The following PTPRO variants were observed in gnomAD, a reference collection of about 807,000 sequenced individuals.
The protein encoded by PTPRO is receptor-type tyrosine-protein phosphatase O.
PTPRO carries 62 observed loss-of-function variants against 145.2 expected under a neutral mutation model. The observed-to-expected ratio is 0.43, with a 90% confidence interval of 0.35 to 0.53. The LOEUF (loss-of-function observed/expected upper bound fraction) is 0.53, where lower values mean the gene tolerates loss of function less well. PTPRO is among the 20% of genes least tolerant of loss of function. The pLI is 0.01. For missense variants in PTPRO, 1,345 were observed against 1,482.7 expected (o/e 0.91, Z 1.53); for synonymous variants, 565 against 514.7 (o/e 1.10, Z -1.32).
At chr12:15,551,503 T>C in intron 14 of PTPRO, 48 bp from the exon 15 acceptor site, 1 of 1,606,038 alleles carries the variant, frequency 6.2e-7, no homozygotes, top group Non-Finnish European at 8.5e-7. Flanking sequence ...TTCTGTTTGG[T>C]TCCCTGTAAG....
chr12:15,543,123 A>T (rs1943212816), intron 12 of PTPRO, among the ~76,000 whole-genome samples: 1 of 152,250 alleles, frequency 6.6e-6, no homozygotes, highest in African/African-American at 2.4e-5. Context: ...ACCAATCACG[A>T]AGATCCTGAA....
At chr12:15,499,691 C>A (rs1330391564) in intron 4 of PTPRO, 97 bp downstream of exon 4, 2 of 1,373,710 alleles carry the variant, frequency 1.5e-6, no homozygotes, top group Non-Finnish European at 2.0e-6. Context: ...TGATCCAGAG[C>A]AAAGAAAGAA....
chr12:15,538,925 G>A (rs1333632097), intron 12 of PTPRO, among the ~76,000 whole-genome samples: 1 of 152,144 alleles, frequency 6.6e-6, no homozygotes, highest in African/African-American at 2.4e-5. Flanking sequence ...ATGAGTCTGG[G>A]CTAGATGATC....
chr12:15,485,438 A>G (rs533888000), intron 2 of PTPRO, among the ~76,000 whole-genome samples: 1 of 152,292 alleles, frequency 6.6e-6, no homozygotes, highest in South Asian at 2.1e-4. Flanking sequence ...TAACGCCTAC[A>G]ATACAAACTC....
chr12:15,382,535 G>A lies in PTPRO; in HGVS notation c.75+59734G>A, dbSNP rs375670800. On this transcript the variant is annotated intron_variant, in intron 1 of 26. Transcript: ENST00000281171. ...GAATTGTCCATCTCGACTTCTCAGA[G>A]CCCATGCTGGTCACACCGCAGTAAC... is the stretch of plus-strand genomic sequence containing the variant. Among the ~76,000 whole-genome samples the A allele has an allele frequency of 2.6e-5, 4 of 152,328 alleles. No homozygotes were observed. In the East Asian group the frequency reaches 7.7e-4, roughly 29 times the overall value.
At chr12:15,373,984 C>T (rs561544437) in intron 1 of PTPRO, among the ~76,000 whole-genome samples, 15 of 152,128 alleles carry the variant, frequency 9.9e-5, no homozygotes, top group African/African-American at 2.2e-4. Flanking sequence ...TTTCAAGACT[C>T]GGTCACCTCA....
chr12:15,460,675 G>C (rs1028491364), intron 1 of PTPRO, among the ~76,000 whole-genome samples: 2 of 152,096 alleles, frequency 1.3e-5, no homozygotes, highest in Admixed American at 6.5e-5. Flanking sequence ...AAGTTGATTT[G>C]GTAAGTTTTT....
chr12:15,513,457 A>G (rs1312156433), intron 7 of PTPRO, among the ~76,000 whole-genome samples: 1 of 152,226 alleles, frequency 6.6e-6, no homozygotes, highest in Non-Finnish European at 1.5e-5. Flanking sequence ...TTAATTCAAT[A>G]TAATCTTATT....
intron 1 of PTPRO, among the ~76,000 whole-genome samples, chr12:15,377,760 G>T (rs934038718): frequency 6.6e-6 from 1 of 151,926 alleles, no homozygotes; most frequent in East Asian, 1.9e-4. Context: ...ACAAGCCTCA[G>T]TAAACTTAAA....
intron 1 of PTPRO, among the ~76,000 whole-genome samples, chr12:15,441,029 A>G (rs1940751029): frequency 1.3e-5 from 2 of 152,204 alleles, no homozygotes; most frequent in Admixed American, 1.3e-4. Context: ...GAAGGTCTAG[A>G]AAACACTCAA....
At chr12:15,499,790 T>A (rs936857577) in intron 4 of PTPRO, among the ~76,000 whole-genome samples, 196 bp downstream of exon 4, 2 of 152,110 alleles carry the variant, frequency 1.3e-5, no homozygotes, top group Non-Finnish European at 2.9e-5. Context: ...CTAAAATATG[T>A]CAATGTAATC....
intron 1 of PTPRO, among the ~76,000 whole-genome samples, chr12:15,368,451 A>AATTG (rs568932436): frequency 5.3e-5 from 8 of 152,134 alleles, no homozygotes; most frequent in African/African-American, 1.2e-4. Context: ...ATCACTGCAT[A>AATTG]ATTGATTGAT....
chr12:15,506,464 T>A (rs1186263634), intron 6 of PTPRO, among the ~76,000 whole-genome samples: 1 of 152,142 alleles, frequency 6.6e-6, no homozygotes, highest in East Asian at 1.9e-4. Context: ...TGAGACTGAG[T>A]AATTTACAAA....
At chr12:15,421,558 T>G (rs534231720) in intron 1 of PTPRO, among the ~76,000 whole-genome samples, 2 of 152,314 alleles carry the variant, frequency 1.3e-5, no homozygotes, top group Non-Finnish European at 2.9e-5. Context: ...AACCTATGCA[T>G]AGCCAAGTTT....
intron 7 of PTPRO, among the ~76,000 whole-genome samples, chr12:15,510,228 C>A (rs183474086): frequency 1.3e-5 from 2 of 152,152 alleles, no homozygotes; most frequent in African/African-American, 4.8e-5. Context: ...TTCTTTGGAG[C>A]ACTAGAAAGC....
At chr12:15,524,720 C>T in intron 10 of PTPRO, 94 bp from the exon 11 acceptor site, 1 of 1,367,686 alleles carries the variant, frequency 7.3e-7, no homozygotes. Flanking sequence ...TTCTAATTCG[C>T]TAAGTTGACT....
chr12:15,531,575 G>A lies in PTPRO; in HGVS notation c.2164+5313G>A, dbSNP rs138465553. ...CATTCAAAAATTGACCATTTATTGC[G>A]GTATACATTTAGTTTCTGATACTTA... On this transcript the variant is annotated intron_variant, in intron 12 of 26. Coordinates refer to ENST00000281171, the MANE Select transcript of PTPRO (RefSeq NM_030667.3). Among the ~76,000 whole-genome samples the A allele has an allele frequency of 3.0e-3, 461 of 152,076 alleles. 4 individuals are homozygous for A. Among genetic ancestry groups the A allele is most frequent in the African/African-American group, 0.011 (449 of 41,484 alleles).
At chr12:15,440,873 A>G (rs927658861) in intron 1 of PTPRO, among the ~76,000 whole-genome samples, 2 of 152,250 alleles carry the variant, frequency 1.3e-5, no homozygotes, top group African/African-American at 2.4e-5. Flanking sequence ...AACCAGATTT[A>G]TAAGCCTGCT....
intron 10 of PTPRO, among the ~76,000 whole-genome samples, chr12:15,522,110 T>A (rs73066646): frequency 0.012 from 1,821 of 150,906 alleles, 11 homozygotes; most frequent in Middle Eastern, 0.031. Context: ...TAATAATAAA[T>A]ACATAATAAT....
Sources: allele counts gnomAD v4.1 joint callset (sites outside exome capture counted in the v4.1 genomes callset), GRCh38; gene constraint gnomAD v4.1.1; transcripts MANE v1.5; gene names NCBI Gene and HGNC (gene_info 2026-07-23, HGNC 2026-07-21).